CYP7B1: variants seen among roughly 807,000 people sequenced by gnomAD.
CYP7B1 encodes the protein cytochrome P450 family 7 subfamily B member 1.
In CYP7B1, 29 loss-of-function variants were observed where a neutral mutation model predicts 42.7. The observed-to-expected ratio is 0.68, with a 90% confidence interval of 0.51 to 0.93. CYP7B1 has a LOEUF of 0.93. Among genes scored for constraint, CYP7B1 ranks in the 40% least tolerant of loss-of-function variants. The probability of loss-of-function intolerance (pLI) is 0.00; values close to 1 mark genes in which losing one functional copy is unlikely to be tolerated. For synonymous variants in CYP7B1, 235 were observed against 218.2 expected (o/e 1.08, Z -0.68); for missense variants, 655 against 600.5 (o/e 1.09, Z -0.95).
intron 1 of CYP7B1, among the ~76,000 whole-genome samples, chr8:64,790,546 T>C (rs748877522): frequency 6.6e-5 from 10 of 152,130 alleles, no homozygotes; most frequent in Non-Finnish European, 1.0e-4. Flanking sequence ...GAGAGAGGGG[T>C]GCTTTGAAAT....
chr8:64,686,098 A>G (rs1585855317), intron 1 of CYP7B1, among the ~76,000 whole-genome samples: 2 of 95,530 alleles, frequency 2.1e-5, no homozygotes, highest in African/African-American at 8.5e-5. Flanking sequence ...TCCGGGAGGG[A>G]GGTGGGGGGG....
intron 1 of CYP7B1, among the ~76,000 whole-genome samples, chr8:64,670,196 C>T (rs1008828094): frequency 1.3e-5 from 2 of 152,178 alleles, no homozygotes; most frequent in African/African-American, 4.8e-5. Flanking sequence ...TTTCATGTGC[C>T]TAGCCCTTAC....
chr8:64,777,269 G>A (rs952321540), intron 1 of CYP7B1, among the ~76,000 whole-genome samples: 3 of 151,612 alleles, frequency 2.0e-5, no homozygotes, highest in Non-Finnish European at 4.4e-5. Context: ...GGGATTTTTG[G>A]CATATAACAT....
At chr8:64,588,240 A>G (rs9298085), downstream of CYP7B1, among the ~76,000 whole-genome samples, 83,370 of 152,064 alleles carry the variant, frequency 0.55, 24,132 homozygotes, top group Non-Finnish European at 0.63. Flanking sequence ...AAAGAAAAAT[A>G]GATTTCTAAT....
intron 1 of CYP7B1, among the ~76,000 whole-genome samples, chr8:64,632,886 A>G (rs1209288868): frequency 6.6e-6 from 1 of 152,122 alleles, no homozygotes; most frequent in East Asian, 1.9e-4. Flanking sequence ...CAAATGGAGA[A>G]GAAAGAAAGG....
chr8:64,742,418 T>C (rs1483618092), intron 1 of CYP7B1, among the ~76,000 whole-genome samples: 22 of 152,190 alleles, frequency 1.4e-4, no homozygotes, highest in Non-Finnish European at 2.8e-4. Context: ...CAAAACTTTC[T>C]GTTTTGATGG....
chr8:64,623,307 C>A (rs866854564), intron 2 of CYP7B1, among the ~76,000 whole-genome samples: 2 of 152,152 alleles, frequency 1.3e-5, no homozygotes, highest in South Asian at 4.1e-4. Flanking sequence ...GCCTAGGCCT[C>A]AAGAGACCTT....
intron 1 of CYP7B1, among the ~76,000 whole-genome samples, chr8:64,786,032 T>G (rs13271194): frequency 6.6e-6 from 1 of 152,116 alleles, no homozygotes; most frequent in Non-Finnish European, 1.5e-5. Flanking sequence ...ATGAGAACAT[T>G]ATGAGGGAAA....
intron 1 of CYP7B1, among the ~76,000 whole-genome samples, chr8:64,742,858 C>A (rs6472150): frequency 0.99 from 151,546 of 152,326 alleles, 75,386 homozygotes; most frequent in Middle Eastern, 1. Context: ...TCCATATGTC[C>A]TCAGAATAAT....
intron 1 of CYP7B1, among the ~76,000 whole-genome samples, chr8:64,638,864 TG>T (rs1260536296): frequency 2.0e-5 from 3 of 151,900 alleles, no homozygotes; most frequent in East Asian, 1.9e-4. Flanking sequence ...TGCATGAACA[TG>T]TATATGTATT....
At chr8:64,671,681 G>A (rs1308143950) in intron 1 of CYP7B1, among the ~76,000 whole-genome samples, 3 of 152,030 alleles carry the variant, frequency 2.0e-5, no homozygotes, top group Non-Finnish European at 4.4e-5. Flanking sequence ...AATCCCACAG[G>A]CCAACTGCTT....
chr8:64,612,997 T>G (rs895646314), intron 4 of CYP7B1, among the ~76,000 whole-genome samples: 2 of 152,148 alleles, frequency 1.3e-5, no homozygotes, highest in Non-Finnish European at 2.9e-5. Flanking sequence ...CTGATCTGCA[T>G]AAAACCTTCT....
intron 1 of CYP7B1, among the ~76,000 whole-genome samples, chr8:64,706,611 T>C (rs1202013861): frequency 6.6e-6 from 1 of 152,064 alleles, no homozygotes; most frequent in East Asian, 1.9e-4. Flanking sequence ...GTAAGGGCTC[T>C]TATCTTATCG....
At chr8:64,587,357 T>C (rs1211875324), downstream of CYP7B1, among the ~76,000 whole-genome samples, 2 of 152,216 alleles carry the variant, frequency 1.3e-5, no homozygotes, top group Non-Finnish European at 2.9e-5. Context: ...GCGGGCGCAA[T>C]TGTCCTTCAA....
intron 1 of CYP7B1, among the ~76,000 whole-genome samples, chr8:64,665,979 ACACTCTCTAAATGCTC>A (rs545412157): frequency 3.0e-3 from 462 of 152,314 alleles, no homozygotes; most frequent in Non-Finnish European, 5.4e-3. Flanking sequence ...AAAAGTTAAT[ACACTCTCTAAATGCTC>A]CATTTAAAAT....
At chr8:64,649,838 A>G (rs1806012105) in intron 1 of CYP7B1, among the ~76,000 whole-genome samples, 1 of 152,056 alleles carries the variant, frequency 6.6e-6, no homozygotes, top group Non-Finnish European at 1.5e-5. Flanking sequence ...CCATGTGTTT[A>G]TTGGTCATTT....
intron 1 of CYP7B1, among the ~76,000 whole-genome samples, chr8:64,647,412 T>A (rs565708038): frequency 2.3e-4 from 35 of 152,194 alleles, no homozygotes; most frequent in Non-Finnish European, 4.6e-4. Flanking sequence ...ATAGATTTGC[T>A]TAATTCAGGA....
Position 64,798,482 on chromosome 8 carries a change from G to C in CYP7B1, c.106C>G (p.Leu36Val). The change falls in exon 1 of 6, where the codon CTT (leucine) becomes GTT (valine). Residue 36 changes from leucine (L) to valine (V), a missense_variant. Coordinates refer to ENST00000310193, the MANE Select transcript of CYP7B1 (RefSeq NM_004820.5). Reference protein sequence around the residue: ...AALLLLALCLLVRRTRRPGEP... With the variant: ...AALLLLALCLVVRRTRRPGEP... ...GGCGCTTACCTGGTGCGCCGGACAA[G>C]CAAGCAGAGGGCCAGGAGCAGCAGG... 1 of 1,513,386 alleles carries C rather than the reference G, an allele frequency of 6.6e-7. No individual in the cohort carries two copies. The highest frequency in any genetic ancestry group is 8.8e-7 in the Non-Finnish European group (1 of 1,139,298). 93.7% of individuals were successfully genotyped at this position (1,513,386 alleles called of 1,614,324 possible).
At chr8:64,673,652 TATTA>T (rs1295435662) in intron 1 of CYP7B1, among the ~76,000 whole-genome samples, 1 of 152,186 alleles carries the variant, frequency 6.6e-6, no homozygotes, top group Non-Finnish European at 1.5e-5. Context: ...TTCATGATTC[TATTA>T]ATTGTTTGTT....
Sources: allele counts gnomAD v4.1 joint callset (sites outside exome capture counted in the v4.1 genomes callset), GRCh38; gene constraint gnomAD v4.1.1; transcripts MANE v1.5; gene names NCBI Gene and HGNC (gene_info 2026-07-23, HGNC 2026-07-21).